RPTOR: variants seen among roughly 807,000 people sequenced by gnomAD.
The protein encoded by RPTOR is regulatory associated protein of MTOR complex 1.
RPTOR carries 21 observed loss-of-function variants against 169.9 expected under a neutral mutation model. The ratio of observed to expected loss-of-function variants is 0.12; its 90% CI spans 0.09 to 0.18. The LOEUF is 0.18. RPTOR is among the 10% of genes least tolerant of loss of function. The pLI is 1.00. For missense variants in RPTOR, 1,133 were observed against 1,855.9 expected, an observed-to-expected ratio of 0.61 and a Z score of 7.16; for synonymous variants, 732 against 753.2, an observed-to-expected ratio of 0.97 and a Z score of 0.46.
At chr17:80,863,360 CAGAT>C (rs1469567183) in intron 13 of RPTOR, among the ~76,000 whole-genome samples, 1 of 152,080 alleles carries the variant, frequency 6.6e-6, no homozygotes, top group Non-Finnish European at 1.5e-5. Context: ...AATTACCAGG[CAGAT>C]AGAATCAGGA....
chr17:80,756,639 G>A (rs1279041722), intron 6 of RPTOR, among the ~76,000 whole-genome samples: 4 of 152,128 alleles, frequency 2.6e-5, no homozygotes, highest in African/African-American at 9.7e-5. Context: ...TTAGGTGAGC[G>A]CTCATAGTAC....
At chr17:80,620,714 C>T (rs12940468) in intron 1 of RPTOR, among the ~76,000 whole-genome samples, 28,146 of 152,170 alleles carry the variant, frequency 0.18, 3,007 homozygotes, top group East Asian at 0.28. Flanking sequence ...TGCGGTGAGC[C>T]GAGATCGTGC....
chr17:80,842,833 G>T (rs891105538), intron 10 of RPTOR, among the ~76,000 whole-genome samples: 1 of 152,172 alleles, frequency 6.6e-6, no homozygotes, highest in Non-Finnish European at 1.5e-5. Context: ...CGTCCCCCGT[G>T]AATGCTCGGC....
At chr17:80,840,656 CA>C (rs2067627711) in intron 10 of RPTOR, among the ~76,000 whole-genome samples, 1 of 48,116 alleles carries the variant, frequency 2.1e-5, no homozygotes, top group Non-Finnish European at 6.7e-5. Flanking sequence ...TCACTCTCAC[CA>C]CACCACAGCT....
At chr17:80,934,664 G>A (rs908745386) in intron 24 of RPTOR, among the ~76,000 whole-genome samples, 7 of 152,162 alleles carry the variant, frequency 4.6e-5, no homozygotes, top group African/African-American at 1.7e-4. Flanking sequence ...AAGAAAATGA[G>A]TTTTTAACTA....
chr17:80,811,051 G>A (rs1175951953), intron 7 of RPTOR, among the ~76,000 whole-genome samples: 8 of 152,058 alleles, frequency 5.3e-5, no homozygotes, highest in East Asian at 1.9e-4. Flanking sequence ...CTTTATTTCC[G>A]ATGTTTATGT....
intron 20 of RPTOR, among the ~76,000 whole-genome samples, chr17:80,907,247 GC>G (rs2143929095): frequency 6.6e-6 from 1 of 152,372 alleles, no homozygotes; most frequent in South Asian, 2.1e-4. Context: ...TAGTGAACAA[GC>G]ACTTGCTTCT....
chr17:80,916,898 G>T (rs1405044074), intron 21 of RPTOR, among the ~76,000 whole-genome samples: 1 of 152,078 alleles, frequency 6.6e-6, no homozygotes, highest in Non-Finnish European at 1.5e-5. Flanking sequence ...TGAGGCACAA[G>T]AATTGCTCGA....
In RPTOR at chr17:80,882,419, C is replaced by T. The variant is rs372526036; in HGVS notation, c.1585-1000C>T. Among the ~76,000 whole-genome samples, 20 of 152,296 alleles carry T rather than the reference C, an allele frequency of 1.3e-4. No individual in the cohort carries two copies. In the East Asian group the frequency reaches 3.1e-3, roughly 23 times the overall value. Reference sequence around the variant, plus strand: ...AAACCTTAAAAGTCCCCAGAACAAACGTTATTAGCAAAGGAGGAGACAGCA... The same window carrying T: ...AAACCTTAAAAGTCCCCAGAACAAATGTTATTAGCAAAGGAGGAGACAGCA... On this transcript the variant is annotated intron_variant, in intron 14 of 33. Coordinates refer to ENST00000306801, the MANE Select transcript of RPTOR (RefSeq NM_020761.3).
intron 20 of RPTOR, among the ~76,000 whole-genome samples, chr17:80,900,676 G>A (rs1345990444): frequency 3.9e-5 from 6 of 152,212 alleles, no homozygotes; most frequent in Non-Finnish European, 7.3e-5. Context: ...CCTGGTGACC[G>A]TCTGCCAAGG....
intron 10 of RPTOR, among the ~76,000 whole-genome samples, chr17:80,843,983 G>T (rs1356352302): frequency 6.6e-6 from 1 of 152,196 alleles, no homozygotes; most frequent in South Asian, 2.1e-4. Context: ...GGGCAACCCA[G>T]ACGCTCAGCC....
At chr17:80,747,474 T>C (rs1252095861) in intron 5 of RPTOR, among the ~76,000 whole-genome samples, 1 of 152,120 alleles carries the variant, frequency 6.6e-6, no homozygotes, top group Non-Finnish European at 1.5e-5. Context: ...CTTAAATAGG[T>C]GGGGTTTCTG....
At chr17:80,929,748 C>G (rs950741127) in intron 24 of RPTOR, among the ~76,000 whole-genome samples, 2 of 152,314 alleles carry the variant, frequency 1.3e-5, no homozygotes, top group South Asian at 2.1e-4. Context: ...GGCCATAGTC[C>G]CCACGCAGGG....
chr17:80,833,385 C>T (rs1047735985), intron 9 of RPTOR, among the ~76,000 whole-genome samples: 2 of 152,218 alleles, frequency 1.3e-5, no homozygotes, highest in Non-Finnish European at 2.9e-5. Flanking sequence ...GATCTGCACT[C>T]CAGCACTCCA....
chr17:80,777,072 A>G lies in RPTOR; in HGVS notation c.831-14378A>G, dbSNP rs138129172. Among the ~76,000 whole-genome samples, 187 of 152,278 alleles carry G rather than the reference A, an allele frequency of 1.2e-3. 1 individual carries two copies. Among genetic ancestry groups the G allele is most frequent in the African/African-American group, 4.4e-3 (181 of 41,550 alleles). ...TGACCAACATGGAGAAACCCTGTCT[A>G]CTAAAAATACAAAAATTAGCTGGAC... On this transcript the variant is annotated intron_variant, in intron 6 of 33. Transcript: ENST00000306801.
intron 21 of RPTOR, among the ~76,000 whole-genome samples, chr17:80,913,625 G>A (rs60784682): frequency 5.9e-5 from 9 of 151,846 alleles, no homozygotes; most frequent in Non-Finnish European, 7.4e-5. Context: ...GCTAATTTTC[G>A]TATTTTTTGT....
chr17:80,602,384 A>C (rs1273371698), intron 1 of RPTOR, among the ~76,000 whole-genome samples: 4 of 48,070 alleles, frequency 8.3e-5, no homozygotes, highest in East Asian at 4.4e-4. Flanking sequence ...TGACCCCCCC[A>C]CCTCCCTCCC....
At chr17:80,788,533 C>T (rs1462629489) in intron 6 of RPTOR, among the ~76,000 whole-genome samples, 1 of 152,112 alleles carries the variant, frequency 6.6e-6, no homozygotes, top group African/African-American at 2.4e-5. Flanking sequence ...AAAATAAAAA[C>T]ACCGCTCCAC....
At chr17:80,956,159 C>A (rs1173508707) in intron 28 of RPTOR, among the ~76,000 whole-genome samples, 2 of 151,976 alleles carry the variant, frequency 1.3e-5, no homozygotes, top group African/African-American at 2.4e-5. Context: ...CAAGGGACAG[C>A]CCTCCCAGGC....
Sources: gnomAD v4.1 joint callset for allele counts (sites outside exome capture counted in the v4.1 genomes callset) on GRCh38, gnomAD v4.1.1 for gene constraint, MANE v1.5 for transcripts, NCBI Gene and HGNC (gene_info 2026-07-23, HGNC 2026-07-21) for gene names.